The following SHANK2 variants were observed in gnomAD, a reference collection of about 807,000 sequenced individuals.
SHANK2 encodes the protein SH3 and multiple ankyrin repeat domains protein 2.
Under a neutral mutation model 133.7 loss-of-function variants are expected in SHANK2, and 43 were observed. The observed-to-expected ratio is 0.32, with a 90% CI of 0.25 to 0.41. The LOEUF (loss-of-function observed/expected upper bound fraction) is 0.41, where lower values mean the gene tolerates loss of function less well. SHANK2 is among the 10% of genes least tolerant of loss of function. The probability of loss-of-function intolerance (pLI) is 1.00; values close to 1 mark genes in which losing one functional copy is unlikely to be tolerated. For missense variants in SHANK2, 1,994 were observed against 2,235.8 expected (o/e 0.89, Z 2.18); for synonymous variants, 1,017 against 952.8 (o/e 1.07, Z -1.24).
intron 2 of SHANK2, among the ~76,000 whole-genome samples, chr11:71,206,839 G>A (rs1954136304): frequency 6.6e-6 from 1 of 152,180 alleles, no homozygotes; most frequent in South Asian, 2.1e-4. Context: ...TACTGAGGAG[G>A]TTGAGGTGGG....
chr11:71,168,167 C>T lies in SHANK2; in HGVS notation c.-12-20829G>A, dbSNP rs533630164. Among the ~76,000 whole-genome samples, 5 of 135,318 alleles carry T rather than the reference C, an allele frequency of 3.7e-5. 2 individuals carry two copies. The highest frequency in any genetic ancestry group is 7.0e-5 in the Admixed American group (1 of 14,372). The allele number at this position is 135,318 out of a possible 152,430, so 88.8% of individuals were successfully genotyped here. A position where few individuals can be genotyped will look rare whatever the true frequency, so the allele number is the denominator to read the frequency against. On this transcript the variant is annotated intron_variant, in intron 2 of 25. Coordinates refer to ENST00000601538, the MANE Select transcript of SHANK2 (RefSeq NM_012309.5). ...CTCAGACGGGGTGGCCGGGCAGAGA[C>T]GCTCCTCACATCCCGCACGGGGCGG...
At chr11:71,132,791 A>G (rs1952343690) in intron 3 of SHANK2, among the ~76,000 whole-genome samples, 1 of 152,208 alleles carries the variant, frequency 6.6e-6, no homozygotes, top group Non-Finnish European at 1.5e-5. Context: ...TTTCATTGGA[A>G]GGCCCCACAG....
chr11:71,213,850 G>A (rs781988102), intron 2 of SHANK2, among the ~76,000 whole-genome samples: 4 of 152,124 alleles, frequency 2.6e-5, no homozygotes, highest in South Asian at 4.1e-4. Context: ...GGGGAGCCTC[G>A]CAGACACTGG....
At chr11:70,531,930 A>G (rs2059479345) in intron 17 of SHANK2, among the ~76,000 whole-genome samples, 1 of 152,156 alleles carries the variant, frequency 6.6e-6, no homozygotes, top group Admixed American at 6.5e-5. Context: ...AGTAGGGACC[A>G]GATCTCTCCT....
In SHANK2 at chr11:70,659,962, C is replaced by T. The variant is rs782497938; in HGVS notation, c.1937-10G>A. The T allele has an allele frequency of 1.2e-6, 2 of 1,614,066 alleles. No homozygotes were observed. Among genetic ancestry groups the T allele is most frequent in the African/African-American group, 2.7e-5 (2 of 74,922 alleles). On this transcript the variant is annotated splice_polypyrimidine_tract_variant and intron_variant, in intron 16 of 25. Transcript: ENST00000601538. ...TCAATGGGTGTGTCAGCTGGGAAGACAAGCAGCACCTGGTTACAAGCCTGG... is the reference window on the plus strand; with the variant it reads ...TCAATGGGTGTGTCAGCTGGGAAGATAAGCAGCACCTGGTTACAAGCCTGG...
chr11:70,863,547 T>G, intron 11 of SHANK2: 1 of 458,070 alleles, frequency 2.2e-6, no homozygotes, highest in Non-Finnish European at 4.4e-6. Flanking sequence ...ATTTTAACTC[T>G]GGATCCCAGT....
intron 14 of SHANK2, among the ~76,000 whole-genome samples, chr11:70,712,568 T>C (rs1482557055): frequency 4.6e-5 from 7 of 152,192 alleles, no homozygotes; most frequent in African/African-American, 1.7e-4. Flanking sequence ...TTCCAGGAAA[T>C]GCACTTCCCT....
intron 1 of SHANK2, among the ~76,000 whole-genome samples, chr11:71,251,026 G>A (rs1591053001): frequency 6.6e-6 from 1 of 152,036 alleles, no homozygotes; most frequent in East Asian, 1.9e-4. Flanking sequence ...TTTTCGGATG[G>A]CCTCTGAGGA....
intron 17 of SHANK2, among the ~76,000 whole-genome samples, chr11:70,651,315 G>C (rs1236847061): frequency 6.6e-6 from 1 of 152,184 alleles, no homozygotes; most frequent in Non-Finnish European, 1.5e-5. Flanking sequence ...ATTTGCAGTT[G>C]CCGAGCTGCC....
At chr11:70,740,961 T>A (rs909068869) in intron 14 of SHANK2, among the ~76,000 whole-genome samples, 1 of 152,182 alleles carries the variant, frequency 6.6e-6, no homozygotes, top group Admixed American at 6.5e-5. Flanking sequence ...CTGAGACTGA[T>A]TTGATGGGCA....
rs117394422 is a variant in SHANK2, at chr11:70,501,622, C to G, written c.2287+301G>C. 4.7e-4 allele frequency among the ~76,000 whole-genome samples: 72 copies of G among 152,348 alleles called. No individual in the cohort carries two copies. The East Asian group carries it at 8.7e-3, about 18-fold the overall frequency. On this transcript the variant is annotated intron_variant, in intron 20 of 25. Transcript: ENST00000601538. ...GATCCTGCATGGCCAGCATGGCCCA[C>G]GTGGCTGCTAGTCGCCCTTCCCCTG...
intron 11 of SHANK2, among the ~76,000 whole-genome samples, chr11:70,884,256 G>A (rs552612282): frequency 3.9e-5 from 6 of 152,198 alleles, no homozygotes; most frequent in Non-Finnish European, 7.3e-5. Context: ...GTGGGCAGGG[G>A]CCAGACAGGC....
intron 2 of SHANK2, among the ~76,000 whole-genome samples, chr11:71,183,254 A>G (rs782716649): frequency 4.6e-5 from 7 of 152,148 alleles, no homozygotes; most frequent in Non-Finnish European, 8.8e-5. Flanking sequence ...ACAAGGGGCA[A>G]AGGTGCTGGA....
chr11:70,950,446 C>T (rs1167425813), intron 10 of SHANK2, among the ~76,000 whole-genome samples: 1 of 152,178 alleles, frequency 6.6e-6, no homozygotes, highest in Non-Finnish European at 1.5e-5. Flanking sequence ...CCGCTTCAGC[C>T]CCCCAAAGTG....
intron 8 of SHANK2, among the ~76,000 whole-genome samples, chr11:71,089,739 T>G (rs950994948): frequency 2.0e-5 from 3 of 151,930 alleles, no homozygotes; most frequent in East Asian, 3.9e-4. Flanking sequence ...CTGAAACAGC[T>G]CAGACACAAA....
intron 15 of SHANK2, among the ~76,000 whole-genome samples, chr11:70,664,444 G>C (rs1227090153): frequency 6.6e-6 from 1 of 152,212 alleles, no homozygotes; most frequent in Non-Finnish European, 1.5e-5. Context: ...CTGTCTGCAA[G>C]AGGAGCTGCT....
At chr11:70,858,496 C>T (rs1334377543) in intron 11 of SHANK2, among the ~76,000 whole-genome samples, 1 of 152,234 alleles carries the variant, frequency 6.6e-6, no homozygotes, top group Non-Finnish European at 1.5e-5. Context: ...AAGGCAGATT[C>T]CAACCTGACC....
intron 9 of SHANK2, among the ~76,000 whole-genome samples, chr11:71,065,878 T>G (rs1323896950): frequency 5.7e-5 from 2 of 35,104 alleles, no homozygotes; most frequent in African/African-American, 2.2e-4. Context: ...AGTGGGGAAG[T>G]TGGGGGGGAT....
intron 14 of SHANK2, among the ~76,000 whole-genome samples, chr11:70,783,264 A>G (rs1947551450): frequency 6.6e-6 from 1 of 152,114 alleles, no homozygotes; most frequent in Non-Finnish European, 1.5e-5. Flanking sequence ...AGGGTTGCAG[A>G]ATTCAGAAAA....
Sources: allele counts gnomAD v4.1 joint callset (sites outside exome capture counted in the v4.1 genomes callset), GRCh38; gene constraint gnomAD v4.1.1; transcripts MANE v1.5; gene names NCBI Gene and HGNC (gene_info 2026-07-23, HGNC 2026-07-21).